Variants in LONRF1 observed in about 807,000 individuals in gnomAD.
The protein encoded by LONRF1 is LON peptidase N-terminal domain and ring finger 1.
LONRF1 carries 37 observed loss-of-function variants against 85.8 expected under a neutral mutation model. That is an observed-to-expected ratio of 0.43 (90% CI 0.33 to 0.57). LONRF1 has a LOEUF of 0.57. LONRF1 is among the 20% of genes least tolerant of loss of function. LONRF1 has a pLI of 0.04. For synonymous variants in LONRF1, 517 were observed against 390.1 expected, an observed-to-expected ratio of 1.33 and a Z score of -3.83; for missense variants, 1,036 against 978.0, an observed-to-expected ratio of 1.06 and a Z score of -0.79.
chr8:12,733,298 C>G (rs1256341271), intron 7 of LONRF1, among the ~76,000 whole-genome samples: 4 of 140,206 alleles, frequency 2.9e-5, no homozygotes, highest in Non-Finnish European at 4.7e-5. Context: ...AATACAGCCA[C>G]TCTTACATTA....
chr8:12,749,217 T>G (rs1437526072), intron 1 of LONRF1, among the ~76,000 whole-genome samples: 1 of 151,098 alleles, frequency 6.6e-6, no homozygotes, highest in Non-Finnish European at 1.5e-5. Context: ...TACAGAAGAG[T>G]ATTTTCTACC....
At chr8:12,751,766 C>T (rs980488517) in intron 1 of LONRF1, among the ~76,000 whole-genome samples, 1 of 149,648 alleles carries the variant, frequency 6.7e-6, no homozygotes, top group African/African-American at 2.5e-5. Context: ...GGTGAACACA[C>T]GAAGGAGATA....
intron 1 of LONRF1, among the ~76,000 whole-genome samples, chr8:12,749,900 A>G (rs1799310729): frequency 6.6e-6 from 1 of 152,242 alleles, no homozygotes; most frequent in Non-Finnish European, 1.5e-5. Context: ...CTACAAGGAC[A>G]GGGACTTTAT....
chr8:12,732,446 T>C (rs966004645), intron 7 of LONRF1, among the ~76,000 whole-genome samples: 1 of 152,132 alleles, frequency 6.6e-6, no homozygotes. Context: ...CTTATCAAGA[T>C]ATTGCTTTTC....
At chr8:12,743,897 G>A (rs774034923) in intron 1 of LONRF1, among the ~76,000 whole-genome samples, 1 of 151,966 alleles carries the variant, frequency 6.6e-6, no homozygotes, top group Admixed American at 6.6e-5. Context: ...AAATACTCCT[G>A]AGAAAAAACG....
intron 10 of LONRF1, 63 bp downstream of exon 10, chr8:12,728,838 G>A: frequency 6.4e-7 from 1 of 1,571,812 alleles, no homozygotes; most frequent in Non-Finnish European, 8.7e-7. Flanking sequence ...TAGCCTGCAT[G>A]CCTGTACCAA....
At chr8:12,736,845 A>G in intron 5 of LONRF1, 48 bp from the exon 6 acceptor site, 1 of 1,581,386 alleles carries the variant, frequency 6.3e-7, no homozygotes, top group African/African-American at 1.4e-5. Context: ...AAAACTTTAA[A>G]GACTATTCTG....
intron 11 of LONRF1, 25 bp from the exon 12 acceptor site, chr8:12,723,279 C>A: frequency 6.4e-7 from 1 of 1,573,642 alleles, no homozygotes; most frequent in Admixed American, 2.0e-5. Context: ...CAGTTTATAG[C>A]ATTAATAAAA....
chr8:12,726,326 G>T (rs1483621380), intron 10 of LONRF1, among the ~76,000 whole-genome samples: 1 of 151,374 alleles, frequency 6.6e-6, no homozygotes, highest in African/African-American at 2.4e-5. Flanking sequence ...AGTAGTAACA[G>T]GAGGAGTCCA....
At chr8:12,749,049 A>G (rs1275754859) in intron 1 of LONRF1, among the ~76,000 whole-genome samples, 1 of 152,226 alleles carries the variant, frequency 6.6e-6, no homozygotes, top group African/African-American at 2.4e-5. Context: ...AAACACCTAC[A>G]TTTTATAACT....
At chr8:12,727,755 T>C (rs994634243) in intron 10 of LONRF1, among the ~76,000 whole-genome samples, 1 of 152,162 alleles carries the variant, frequency 6.6e-6, no homozygotes, top group African/African-American at 2.4e-5. Flanking sequence ...AAGGCACAGA[T>C]TCTATCAATC....
intron 1 of LONRF1, among the ~76,000 whole-genome samples, chr8:12,743,693 G>C (rs578062735): frequency 6.6e-6 from 1 of 151,934 alleles, no homozygotes; most frequent in Non-Finnish European, 1.5e-5. Context: ...TATAAAAATA[G>C]CCATACGTGT....
At chr8:12,737,280 A>C in intron 4 of LONRF1, 140 bp from the exon 5 acceptor site, 1 of 1,030,128 alleles carries the variant, frequency 9.7e-7, no homozygotes, top group Non-Finnish European at 1.5e-6. Flanking sequence ...ACTTGATTCC[A>C]ACACTGTGAC....
In LONRF1 at chr8:12,736,614, A is replaced by G. The variant is rs1798723821; in HGVS notation, c.1451+87T>C. The G allele has an allele frequency of 4.5e-6, 4 of 895,402 alleles. No individual in the cohort carries two copies. In the South Asian group the frequency reaches 5.6e-5, roughly 13 times the overall value. The allele number at this position is 895,402 out of a possible 1,614,324, so 55.5% of individuals were successfully genotyped here. The stretch of plus-strand genomic sequence containing the variant: ...TTTTATTCCAGCATTGTGTTACTTT[A>G]CATTGTCTATTATTACCTTTATCTA... On this transcript the variant is annotated intron_variant, in intron 6 of 11. Coordinates refer to ENST00000398246, the MANE Select transcript of LONRF1 (RefSeq NM_152271.5).
intron 3 of LONRF1, among the ~76,000 whole-genome samples, chr8:12,739,369 A>G (rs2117287276): frequency 6.6e-6 from 1 of 151,154 alleles, no homozygotes; most frequent in Non-Finnish European, 1.5e-5. Flanking sequence ...ACAAACCCAG[A>G]CACAAAACAG....
chr8:12,728,048 T>A (rs1330439136), intron 10 of LONRF1, among the ~76,000 whole-genome samples: 1 of 152,250 alleles, frequency 6.6e-6, no homozygotes, highest in Non-Finnish European at 1.5e-5. Context: ...TATGAGTTAA[T>A]GTTTGTGAAA....
rs1218137327 is a variant in LONRF1 at position 12,722,338 on chromosome 8, T to A, written c.*758A>T. 2 of 152,670 alleles carry A rather than the reference T, an allele frequency of 1.3e-5. No homozygotes were observed. Among genetic ancestry groups the A allele is most frequent in the Non-Finnish European group, 2.9e-5 (2 of 68,046 alleles). 9.5% of individuals were successfully genotyped at this position (152,670 alleles called of 1,614,324 possible). A position where few individuals can be genotyped will look rare whatever the true frequency, so the allele number is the denominator to read the frequency against. On this transcript the variant is annotated 3_prime_UTR_variant, in exon 12 of 12. Transcript: ENST00000398246. ...GAATTGAGTTCTCCCTTTACCTTTA[T>A]GTACAATTAAATGTAAACCATATTT...
intron 6 of LONRF1, among the ~76,000 whole-genome samples, chr8:12,735,930 G>C (rs1214847924): frequency 6.6e-6 from 1 of 152,100 alleles, no homozygotes; most frequent in Non-Finnish European, 1.5e-5. Flanking sequence ...CCTAATGTTA[G>C]ACTTAATACT....
chr8:12,725,924 T>TCCATATG, intron 10 of LONRF1, 45 bp from the exon 11 acceptor site: 1 of 1,566,140 alleles, frequency 6.4e-7, no homozygotes, highest in South Asian at 1.1e-5. Flanking sequence ...TAATCCCCCG[T>TCCATATG]CCATATGCCA....
Sources: gnomAD v4.1 joint callset for allele counts (sites outside exome capture counted in the v4.1 genomes callset) on GRCh38, gnomAD v4.1.1 for gene constraint, MANE v1.5 for transcripts, NCBI Gene and HGNC (gene_info 2026-07-23, HGNC 2026-07-21) for gene names.